Variants in PABPN1 observed in about 807,000 individuals in gnomAD.
PABPN1 encodes polyadenylate-binding protein 2.
Under a neutral mutation model 33.4 loss-of-function variants are expected in PABPN1, and 5 were observed. The observed-to-expected ratio is 0.15, with a 90% CI of 0.08 to 0.32. PABPN1 has a LOEUF of 0.32. PABPN1 is among the 10% of genes least tolerant of loss of function. The pLI is 1.00. For synonymous variants in PABPN1, 176 were observed against 170.6 expected (o/e 1.03, Z -0.25); for missense variants, 312 against 425.8 (o/e 0.73, Z 2.35).
intron 3 of PABPN1, 145 bp downstream of exon 3, chr14:23,323,211 T>C (rs1594989577): frequency 7.8e-7 from 1 of 1,283,134 alleles, no homozygotes; most frequent in East Asian, 2.4e-5. Context: ...AATGGAATGA[T>C]CAGTAATCAG....
chr14:23,323,487 A>G lies in PABPN1; in HGVS notation c.641+4A>G. 6.2e-7 allele frequency: 1 copy of G among 1,607,864 alleles called. No individual in the cohort carries two copies. The highest frequency in any genetic ancestry group is 8.5e-7 in the Non-Finnish European group (1 of 1,174,258). On this transcript the variant is annotated splice_donor_region_variant and intron_variant, in intron 4 of 6. Transcript: ENST00000216727. ...AATTTAGTGGCCATCCCAAAGGGTA[A>G]GTAAAGGGGAGTAAGTTGAGATAAT...
At chr14:23,324,957 G>A (rs975982634) in intron 6 of PABPN1, 8 of 401,868 alleles carry the variant, frequency 2.0e-5, no homozygotes, top group Non-Finnish European at 3.1e-5. Context: ...AAGAGCTGTG[G>A]AGGACTGAAA....
chr14:23,322,740 T>TAG, intron 2 of PABPN1: 2 of 531,766 alleles, frequency 3.8e-6, no homozygotes, highest in Non-Finnish European at 6.7e-6. Context: ...AGCCATTCAT[T>TAG]AGGGATTTGA....
At chr14:23,324,376 C>A in intron 6 of PABPN1, 87 bp downstream of exon 6, 6 of 1,305,546 alleles carry the variant, frequency 4.6e-6, no homozygotes, top group Non-Finnish European at 6.1e-6. Flanking sequence ...ACCTCCCTCC[C>A]CCCACCCCTC....
intron 4 of PABPN1, 140 bp from the exon 5 acceptor site, chr14:23,323,825 T>C: frequency 3.2e-6 from 3 of 938,946 alleles, no homozygotes; most frequent in Non-Finnish European, 4.9e-6. Flanking sequence ...TTTCGAATGA[T>C]TGAAATTTTC....
intron 5 of PABPN1, 40 bp downstream of exon 5, chr14:23,324,092 T>G: frequency 1.2e-6 from 2 of 1,614,078 alleles, no homozygotes; most frequent in Non-Finnish European, 1.7e-6. Flanking sequence ...GTGTATAAAC[T>G]CTCCAGGTTG....
chr14:23,322,468 A>G, intron 2 of PABPN1, 173 bp downstream of exon 2: 7 of 671,744 alleles, frequency 1.0e-5, no homozygotes, highest in Non-Finnish European at 1.6e-5. Context: ...GTGAGGCAGA[A>G]CGTATATTTT....
At position 23,323,966 on chromosome 14, in the gene PABPN1, T is replaced by C. The variant is rs1888529577; in HGVS notation, c.643T>C (p.Phe215Leu). The change falls in exon 5 of 7, where the codon TTT becomes CTT. Residue 215 changes from phenylalanine to leucine, a missense_variant and splice_region_variant. Physicochemically the swap from Phe to Leu is conservative, Grantham distance 22. Around this residue, in one of 3 missense-constraint regions of PABPN1, gnomAD observed 77 missense variants for 185.7 expected, o/e 0.41. Coordinates refer to ENST00000216727, the MANE Select transcript of PABPN1 (RefSeq NM_004643.4). ...AGATACAATGACAATTCTTTTCAGG[T>C]TTGCGTATATAGAGTTCTCAGACAA... ...CDKFSGHPKG[F>L]AYIEFSDKES... 1 of 1,613,900 alleles carries C rather than the reference T, an allele frequency of 6.2e-7. No individual in the cohort carries two copies. Among genetic ancestry groups the C allele is most frequent in the Admixed American group, 1.7e-5 (1 of 60,004 alleles).
chr14:23,324,059 C>G lies in PABPN1; in HGVS notation c.729+7C>G, dbSNP rs550945824. 1 of 1,614,166 alleles carries G rather than the reference C, an allele frequency of 6.2e-7. No homozygotes were observed. The highest frequency in any genetic ancestry group is 8.5e-7 in the Non-Finnish European group (1 of 1,180,030). ...TAGAGGAAGGCAAATCAAGGTAAGC[C>G]TATGTCCATTGCTGTTCTAGTTGTG... On this transcript the variant is annotated splice_region_variant and intron_variant, in intron 5 of 6. Transcript: ENST00000216727.
chr14:23,322,546 G>C (rs555370005), intron 2 of PABPN1: 3 of 533,668 alleles, frequency 5.6e-6, no homozygotes, highest in African/African-American at 3.8e-5. Flanking sequence ...CTTAGTCTAC[G>C]TCTATCTTTC....
chr14:23,325,318 A>G lies in PABPN1; in HGVS notation c.*32A>G. On this transcript the variant is annotated 3_prime_UTR_variant, in exon 7 of 7. Transcript: ENST00000216727. Reference sequence around the variant, plus strand: ...TGTGTATTAGGAGGAGAGAGAGGAAAAAAAGAGGAAAGAAGGAAAAAAAAA... The same window carrying G: ...TGTGTATTAGGAGGAGAGAGAGGAAGAAAAGAGGAAAGAAGGAAAAAAAAA... 1 of 1,585,542 alleles carries G rather than the reference A, an allele frequency of 6.3e-7. No homozygotes were observed. The highest frequency in any genetic ancestry group is 8.5e-7 in the Non-Finnish European group (1 of 1,171,114).
At position 23,324,175 on chromosome 14, in the gene PABPN1, C is replaced by T. The variant is rs1272585147; in HGVS notation, c.767C>T (p.Thr256Ile). The T allele has an allele frequency of 6.2e-7, 1 of 1,614,106 alleles. No individual in the cohort carries two copies. The highest frequency in any genetic ancestry group is 2.2e-5 in the East Asian group (1 of 44,896). ...CGAACCAACAGACCAGGCATCAGCA[C>T]AACAGACCGGGGTTTTCCACGAGCC... ...PKRTNRPGIS[T>I]TDRGFPRARY... The change falls in exon 6 of 7, where the codon ACA (threonine) becomes ATA (isoleucine). Residue 256 changes from threonine to isoleucine, a missense_variant. By Grantham distance (89) the Thr-to-Ile change is moderately conservative. This residue lies in a region of PABPN1 where 77 missense variants were observed against 185.7 expected (regional missense o/e 0.41). Coordinates refer to ENST00000216727, the MANE Select transcript of PABPN1 (RefSeq NM_004643.4).
chr14:23,323,881 C>A, intron 4 of PABPN1, 84 bp from the exon 5 acceptor site: 2 of 1,380,744 alleles, frequency 1.4e-6, no homozygotes, highest in Non-Finnish European at 2.0e-6. Flanking sequence ...TGCATTGTAG[C>A]CCAAAACGAA....
Position 23,321,588 on chromosome 14 carries a change from C to CG in PABPN1, c.125dup (p.Ala43ArgfsTer11), listed in dbSNP as rs1888274591. ...GGTGGGGAGGCCGGGGAGGGGGCCC[C>CG]GGGGGGCGCAGGGGACTACGGGAAC... On this transcript the variant is annotated frameshift_variant, in exon 1 of 7. Coordinates refer to ENST00000216727, the MANE Select transcript of PABPN1 (RefSeq NM_004643.4). LOFTEE classifies it high-confidence loss of function. The CG allele has an allele frequency of 2.8e-6, 4 of 1,451,768 alleles. No homozygotes were observed. The highest frequency in any genetic ancestry group is 1.5e-5 in the African/African-American group (1 of 67,770). 89.9% of individuals were successfully genotyped at this position (1,451,768 alleles called of 1,614,324 possible).
chr14:23,323,214 G>A (rs1888458681), intron 3 of PABPN1, 148 bp downstream of exon 3: 3 of 1,286,570 alleles, frequency 2.3e-6, no homozygotes, highest in Non-Finnish European at 3.3e-6. Flanking sequence ...GGAATGATCA[G>A]TAATCAGCAA....
chr14:23,322,505 T>C (rs748804561), intron 2 of PABPN1: 75 of 600,946 alleles, frequency 1.2e-4, no homozygotes, highest in Middle Eastern at 7.0e-4. Context: ...TGCCTCCCTT[T>C]GTGCCTGTTA....
rs765685899 is a variant in PABPN1 at position 23,323,948 on chromosome 14, A to T, written c.642-17A>T. The T allele has an allele frequency of 6.2e-7, 1 of 1,613,884 alleles. No homozygotes were observed. Among genetic ancestry groups the T allele is most frequent in the Non-Finnish European group, 8.5e-7 (1 of 1,179,936 alleles). On this transcript the variant is annotated splice_polypyrimidine_tract_variant and intron_variant, in intron 4 of 6. Coordinates refer to ENST00000216727, the MANE Select transcript of PABPN1 (RefSeq NM_004643.4). ...GTATTTGTAACCTCAGAGAGATACAATGACAATTCTTTTCAGGTTTGCGTA... is the reference window on the plus strand; with the variant it reads ...GTATTTGTAACCTCAGAGAGATACATTGACAATTCTTTTCAGGTTTGCGTA...
In PABPN1 at chr14:23,324,029, C is replaced by T; in HGVS notation, c.706C>T (p.Leu236=). Residue 236 remains leucine, a synonymous_variant, in exon 5 of 7, where the codon CTA becomes TTA. Transcript: ENST00000216727. ...VRTSLALDES[L]FRGRQIKVIP... is the part of the protein sequence containing the mutation. ...GACTTCCTTGGCCTTAGATGAGTCC[C>T]TATTTAGAGGAAGGCAAATCAAGGT... is the stretch of plus-strand genomic sequence containing the variant. 6.2e-7 allele frequency: 1 copy of T among 1,614,132 alleles called. No individual in the cohort carries two copies. Among genetic ancestry groups the T allele is most frequent in the Non-Finnish European group, 8.5e-7 (1 of 1,180,006 alleles).
chr14:23,325,586 C>A lies in PABPN1; in HGVS notation c.*300C>A. 2.6e-6 allele frequency: 1 copy of A among 391,382 alleles called. No homozygotes were observed. The highest frequency in any genetic ancestry group is 4.6e-6 in the Non-Finnish European group (1 of 216,488). 24.2% of individuals were successfully genotyped at this position (391,382 alleles called of 1,614,324 possible). A position where few individuals can be genotyped will look rare whatever the true frequency, so the allele number is the denominator to read the frequency against. ...CTGCCCATGTTTCCCTGCCCCACTT[C>A]ACCCCCTTGGGGGCTGCTCAAGGGT... On this transcript the variant is annotated 3_prime_UTR_variant, in exon 7 of 7. Transcript: ENST00000216727.
Sources: allele counts gnomAD v4.1 joint callset, GRCh38; gene constraint gnomAD v4.1.1; regional missense constraint gnomAD v4.1.1; transcripts MANE v1.5; gene names NCBI Gene and HGNC (gene_info 2026-07-23, HGNC 2026-07-21).